CENPW: variants seen among roughly 807,000 people sequenced by gnomAD.
The protein encoded by CENPW is centromere protein W, also known as cancer-up-regulated gene 2 protein.
A neutral mutation model predicts 11.1 loss-of-function variants in CENPW; 3 were observed. That is an observed-to-expected ratio of 0.27 (90% CI 0.12 to 0.70). The LOEUF (loss-of-function observed/expected upper bound fraction) is 0.70, where lower values mean the gene tolerates loss of function less well. Among genes scored for constraint, CENPW ranks in the 30% least tolerant of loss-of-function variants. The probability of loss-of-function intolerance (pLI) is 0.77; values close to 1 mark genes in which losing one functional copy is unlikely to be tolerated. For missense variants in CENPW, 100 were observed against 105.6 expected (o/e 0.95, Z 0.23); for synonymous variants, 38 against 42.0 (o/e 0.91, Z 0.37).
the CENPW span, among the ~76,000 whole-genome samples, chr6:126,413,858 T>G: frequency 6.6e-6 from 1 of 151,966 alleles, no homozygotes; most frequent in Non-Finnish European, 1.5e-5. Context: ...AATCCCCCAC[T>G]TAAAAGACAT....
At chr6:126,466,354 T>C in the CENPW span, among the ~76,000 whole-genome samples, 136 of 152,258 alleles carry the variant, frequency 8.9e-4, no homozygotes, top group African/African-American at 3.2e-3. Flanking sequence ...TGAACTTTAG[T>C]TGATAAAAGT....
chr6:126,429,528 G>A, the CENPW span, among the ~76,000 whole-genome samples: 10 of 151,950 alleles, frequency 6.6e-5, no homozygotes, highest in African/African-American at 1.5e-4. Flanking sequence ...GCCTACTGCC[G>A]CTTCACCCCC....
the CENPW span, among the ~76,000 whole-genome samples, chr6:126,441,546 C>T: frequency 1.3e-5 from 2 of 151,412 alleles, no homozygotes; most frequent in South Asian, 2.1e-4. Context: ...GAGTTTGGTG[C>T]ACCCATCATC....
At chr6:126,415,130 T>A in the CENPW span, among the ~76,000 whole-genome samples, 3 of 152,140 alleles carry the variant, frequency 2.0e-5, no homozygotes, top group Admixed American at 6.5e-5. Flanking sequence ...CAGTCCATCT[T>A]GAGTTAATTT....
chr6:126,387,942 A>G, the CENPW span, among the ~76,000 whole-genome samples: 1 of 151,980 alleles, frequency 6.6e-6, no homozygotes, highest in Non-Finnish European at 1.5e-5. Flanking sequence ...TCTAGTAAAA[A>G]GAATTGAGTG....
At chr6:126,363,170 A>G in the CENPW span, among the ~76,000 whole-genome samples, 9 of 152,264 alleles carry the variant, frequency 5.9e-5, no homozygotes, top group African/African-American at 2.2e-4. Flanking sequence ...CAGCAAATAG[A>G]CCAGCTAGGA....
the CENPW span, among the ~76,000 whole-genome samples, chr6:126,408,719 C>T: frequency 1.3e-4 from 20 of 152,158 alleles, no homozygotes; most frequent in African/African-American, 4.1e-4. Context: ...AGGTTGTATA[C>T]GTCCAGGGAT....
At chr6:126,355,609 A>G in the CENPW span, among the ~76,000 whole-genome samples, 8 of 152,160 alleles carry the variant, frequency 5.3e-5, no homozygotes, top group Non-Finnish European at 7.4e-5. Flanking sequence ...TGTCCATTAA[A>G]TAATGCTGCA....
Position 126,340,349 on chromosome 6 carries a change from T to G in CENPW, c.76T>G (p.Phe26Val), listed in dbSNP as rs1780277208. The G allele has an allele frequency of 6.2e-7, 1 of 1,614,128 alleles. No individual in the cohort carries two copies. Among genetic ancestry groups the G allele is most frequent in the Non-Finnish European group, 8.5e-7 (1 of 1,180,006 alleles). The part of the protein sequence containing the change: ...KAPRGFLKRV[F>V]KRKKPQLRLE... ...TCCCCGTGGCTTTCTAAAGCGAGTC[T>G]TCAAGCGAAAGAAGCCTCAACTTCG... The change falls in exon 1 of 3, where the codon TTC (phenylalanine) becomes GTC (valine). Residue 26 changes from phenylalanine (F) to valine (V), a missense_variant. By Grantham distance (50) the Phe-to-Val change is conservative. Coordinates refer to ENST00000368328, the MANE Select transcript of CENPW (RefSeq NM_001012507.4).
the CENPW span, among the ~76,000 whole-genome samples, chr6:126,365,799 T>A: frequency 6.6e-6 from 1 of 152,232 alleles, no homozygotes; most frequent in African/African-American, 2.4e-5. Context: ...TTGTTTTTGT[T>A]CTCCTTAACT....
At chr6:126,420,013 T>C in the CENPW span, among the ~76,000 whole-genome samples, 2 of 152,204 alleles carry the variant, frequency 1.3e-5, no homozygotes, top group Non-Finnish European at 2.9e-5. Flanking sequence ...GGATTCTGCC[T>C]AGCACAGTAG....
At chr6:126,438,693 AC>A in the CENPW span, among the ~76,000 whole-genome samples, 2 of 151,680 alleles carry the variant, frequency 1.3e-5, no homozygotes, top group Admixed American at 1.3e-4. Context: ...CAATAGATAC[AC>A]CCCAGATACT....
the CENPW span, among the ~76,000 whole-genome samples, chr6:126,355,000 A>G: frequency 5.8e-3 from 878 of 152,286 alleles, 9 homozygotes; most frequent in Middle Eastern, 0.061. Context: ...TTAATTTAAT[A>G]TGAAACTAAT....
the CENPW span, among the ~76,000 whole-genome samples, chr6:126,460,329 TAAATTGCTCTCAATTTGATACTC>T: frequency 6.6e-6 from 1 of 151,726 alleles, no homozygotes; most frequent in South Asian, 2.1e-4. Context: ...ATACTCAAAT[TAAATTGCTCTCAATTTGATACTC>T]AAATTGATGG....
intron 1 of CENPW, among the ~76,000 whole-genome samples, chr6:126,342,049 T>C (rs1457645613): frequency 1.3e-5 from 2 of 152,212 alleles, no homozygotes; most frequent in Non-Finnish European, 2.9e-5. Flanking sequence ...TCGCCTTCAC[T>C]GTCTTGAATG....
chr6:126,391,593 A>G, the CENPW span, among the ~76,000 whole-genome samples: 35 of 151,992 alleles, frequency 2.3e-4, no homozygotes, highest in East Asian at 6.6e-3. Flanking sequence ...TAGTACTTTC[A>G]TAGTTTGAAG....
chr6:126,464,502 A>G, the CENPW span, among the ~76,000 whole-genome samples: 1 of 152,094 alleles, frequency 6.6e-6, no homozygotes, highest in Non-Finnish European at 1.5e-5. Context: ...TGCCAGTGTG[A>G]TAGAATAAAG....
At chr6:126,383,359 CACAA>C in the CENPW span, among the ~76,000 whole-genome samples, 2 of 152,118 alleles carry the variant, frequency 1.3e-5, no homozygotes, top group African/African-American at 4.8e-5. Flanking sequence ...TGAAGAACCA[CACAA>C]ACAAATCAGC....
At chr6:126,423,535 G>T in the CENPW span, among the ~76,000 whole-genome samples, 3 of 152,056 alleles carry the variant, frequency 2.0e-5, no homozygotes, top group Admixed American at 1.3e-4. Context: ...CCAGGTCAAA[G>T]TTACCTTTTG....
Sources: allele counts gnomAD v4.1 joint callset (sites outside exome capture counted in the v4.1 genomes callset), GRCh38; gene constraint gnomAD v4.1.1; transcripts MANE v1.5; gene names NCBI Gene and HGNC (gene_info 2026-07-23, HGNC 2026-07-21).